KCNH8: variants seen among roughly 807,000 people sequenced by gnomAD.
KCNH8 encodes the protein voltage-gated delayed rectifier potassium channel KCNH8.
KCNH8 carries 70 observed loss-of-function variants against 103.6 expected under a neutral mutation model. The observed-to-expected ratio is 0.68, with a 90% confidence interval of 0.56 to 0.82. The LOEUF is 0.82. KCNH8 is among the 40% of genes least tolerant of loss of function. The probability of loss-of-function intolerance (pLI) is 0.00; values close to 1 mark genes in which losing one functional copy is unlikely to be tolerated. For missense variants in KCNH8, 1,217 were observed against 1,329.9 expected, an observed-to-expected ratio of 0.92 and a Z score of 1.32; for synonymous variants, 498 against 489.4, an observed-to-expected ratio of 1.02 and a Z score of -0.23.
At chr3:19,289,002 G>A (rs1331887940) in intron 3 of KCNH8, among the ~76,000 whole-genome samples, 4 of 152,114 alleles carry the variant, frequency 2.6e-5, no homozygotes, top group Admixed American at 6.5e-5. Context: ...ATTTTTTCAC[G>A]TGTCTTTTGG....
chr3:19,419,211 T>C (rs1189115962), intron 7 of KCNH8, among the ~76,000 whole-genome samples: 12 of 142,944 alleles, frequency 8.4e-5, no homozygotes, highest in Admixed American at 1.4e-4. Flanking sequence ...TTTTTTTTTT[T>C]TTTTTTGAGA....
At chr3:19,295,523 C>G (rs1948466) in intron 3 of KCNH8, among the ~76,000 whole-genome samples, 1 of 152,274 alleles carries the variant, frequency 6.6e-6, no homozygotes, top group Admixed American at 6.5e-5. Context: ...CAATATTTAC[C>G]TAGACATTGG....
At chr3:19,254,746 AC>A (rs1403770011) in intron 2 of KCNH8, among the ~76,000 whole-genome samples, 1 of 152,122 alleles carries the variant, frequency 6.6e-6, no homozygotes, top group Non-Finnish European at 1.5e-5. Flanking sequence ...CCTTGTAGTA[AC>A]ATAATCCCCT....
intron 6 of KCNH8, among the ~76,000 whole-genome samples, chr3:19,394,410 C>T (rs2066483547): frequency 6.6e-6 from 1 of 151,944 alleles, no homozygotes; most frequent in South Asian, 2.1e-4. Flanking sequence ...TGCAAAGGCA[C>T]TAGGAGACTC....
At chr3:19,355,260 T>A (rs2125325388) in intron 5 of KCNH8, among the ~76,000 whole-genome samples, 1 of 152,202 alleles carries the variant, frequency 6.6e-6, no homozygotes. Flanking sequence ...TGTGGAGAAA[T>A]AGGAACACTT....
At chr3:19,155,603 C>T (rs370164760) in intron 1 of KCNH8, among the ~76,000 whole-genome samples, 6 of 152,336 alleles carry the variant, frequency 3.9e-5, no homozygotes, top group Admixed American at 3.9e-4. Context: ...TCTGCAGAAT[C>T]TTTTCCAACC....
At chr3:19,453,093 T>G (rs1230353451) in intron 10 of KCNH8, among the ~76,000 whole-genome samples, 1 of 151,956 alleles carries the variant, frequency 6.6e-6, no homozygotes, top group East Asian at 1.9e-4. Context: ...GTAAAATAAC[T>G]CAGAAAAAGA....
At chr3:19,386,820 A>G (rs1410378899) in intron 5 of KCNH8, among the ~76,000 whole-genome samples, 1 of 152,072 alleles carries the variant, frequency 6.6e-6, no homozygotes, top group Non-Finnish European at 1.5e-5. Context: ...ATAAATTCTG[A>G]TCTAATTTAA....
chr3:19,431,587 T>G (rs9810026), intron 7 of KCNH8, among the ~76,000 whole-genome samples: 2,080 of 152,286 alleles, frequency 0.014, 34 homozygotes, highest in African/African-American at 0.045. Context: ...CTGGTAGACT[T>G]CAGCCAGAAA....
intron 7 of KCNH8, among the ~76,000 whole-genome samples, chr3:19,433,259 G>T (rs559707410): frequency 6.6e-6 from 1 of 152,232 alleles, no homozygotes; most frequent in Non-Finnish European, 1.5e-5. Context: ...GCCCTGGAAG[G>T]TTGTATAGCA....
intron 11 of KCNH8, among the ~76,000 whole-genome samples, chr3:19,469,815 C>T (rs563212206): frequency 1.1e-4 from 17 of 152,304 alleles, no homozygotes; most frequent in South Asian, 4.1e-4. Flanking sequence ...AGCAAAATGA[C>T]TCTCAGTGCC....
intron 11 of KCNH8, among the ~76,000 whole-genome samples, chr3:19,498,505 C>T (rs1391432012): frequency 6.6e-6 from 1 of 152,012 alleles, no homozygotes; most frequent in Admixed American, 6.6e-5. Flanking sequence ...ACTTATGAAG[C>T]TTAGTTTGGC....
intron 7 of KCNH8, among the ~76,000 whole-genome samples, chr3:19,408,525 C>T (rs1179623315): frequency 3.3e-5 from 5 of 152,004 alleles, no homozygotes; most frequent in Non-Finnish European, 7.4e-5. Context: ...AAAATAGAAA[C>T]TCAGAAATAA....
rs568048363 is a variant in KCNH8 at position 19,362,736 on chromosome 3, T to A, written c.811+14771T>A. Among the ~76,000 whole-genome samples the A allele has an allele frequency of 3.3e-5, 5 of 152,288 alleles. No individual in the cohort carries two copies. The East Asian group carries it at 7.7e-4, about 24-fold the overall frequency. On this transcript the variant is annotated intron_variant, in intron 5 of 15. Coordinates refer to ENST00000328405, the MANE Select transcript of KCNH8 (RefSeq NM_144633.3). ...TGGAGTGCAGTGGCACAATCACAGCTCACTGCAGCCTCAATCTCCCAGGGT... is the reference window on the plus strand; with the variant it reads ...TGGAGTGCAGTGGCACAATCACAGCACACTGCAGCCTCAATCTCCCAGGGT...
chr3:19,296,925 A>T (rs1489396006), intron 3 of KCNH8, among the ~76,000 whole-genome samples: 1 of 152,160 alleles, frequency 6.6e-6, no homozygotes, highest in Non-Finnish European at 1.5e-5. Flanking sequence ...AAAAGTAGTG[A>T]GTCTATTTTA....
At chr3:19,354,729 T>C (rs956626857) in intron 5 of KCNH8, among the ~76,000 whole-genome samples, 2 of 152,142 alleles carry the variant, frequency 1.3e-5, no homozygotes, top group African/African-American at 2.4e-5. Context: ...CAAAAATTAA[T>C]TCAAGATGGA....
intron 12 of KCNH8, among the ~76,000 whole-genome samples, chr3:19,510,879 T>C (rs1007432423): frequency 1.3e-5 from 2 of 152,208 alleles, no homozygotes; most frequent in Non-Finnish European, 2.9e-5. Context: ...AGCTGGACTT[T>C]TATTACCAAT....
intron 3 of KCNH8, among the ~76,000 whole-genome samples, chr3:19,308,365 C>T (rs116831670): frequency 6.6e-6 from 1 of 151,244 alleles, no homozygotes; most frequent in African/African-American, 2.4e-5. Flanking sequence ...TGCATAGTAC[C>T]TTTAAATTGA....
intron 1 of KCNH8, among the ~76,000 whole-genome samples, chr3:19,213,355 A>C (rs75641600): frequency 0.028 from 4,300 of 152,212 alleles, 202 homozygotes; most frequent in African/African-American, 0.096. Context: ...AAGCCTTTAA[A>C]TACATCTCTA....
Sources: allele counts gnomAD v4.1 joint callset (sites outside exome capture counted in the v4.1 genomes callset), GRCh38; gene constraint gnomAD v4.1.1; transcripts MANE v1.5; gene names NCBI Gene and HGNC (gene_info 2026-07-23, HGNC 2026-07-21).